THBS4: variants seen among roughly 807,000 people sequenced by gnomAD.
THBS4 encodes the protein thrombospondin 4.
In THBS4, 90 loss-of-function variants were observed where a neutral mutation model predicts 115.7. The observed-to-expected ratio is 0.78, with a 90% CI of 0.66 to 0.93. The LOEUF is 0.93. THBS4 is among the 40% of genes least tolerant of loss of function. THBS4 has a pLI of 0.00. For missense variants in THBS4, 1,087 were observed against 1,232.7 expected, an observed-to-expected ratio of 0.88 and a Z score of 1.77; for synonymous variants, 460 against 479.3, an observed-to-expected ratio of 0.96 and a Z score of 0.53.
intron 14 of THBS4, 113 bp from the exon 15 acceptor site, chr5:80,073,162 G>T (rs991077792): frequency 2.2e-5 from 25 of 1,123,794 alleles, no homozygotes; most frequent in Non-Finnish European, 3.3e-5. Flanking sequence ...CACCACCCCG[G>T]TTCCAGAGAA....
rs932897031 is a variant in THBS4, at chr5:80,045,235, A to T, written c.292+4955A>T. Among the ~76,000 whole-genome samples, 14 of 152,352 alleles carry T rather than the reference A, an allele frequency of 9.2e-5. No individual in the cohort carries two copies. In the South Asian group the frequency reaches 2.1e-3, roughly 23 times the overall value. ...CCTTGATGACAATTTCACCTTTCAG[A>T]AAAAGAAACACAAGAACTGCTTCTT... On this transcript the variant is annotated intron_variant, in intron 2 of 21. Coordinates refer to ENST00000350881, the MANE Select transcript of THBS4 (RefSeq NM_003248.6).
At chr5:80,022,513 C>G (rs747418862) in intron 2 of THBS4, among the ~76,000 whole-genome samples, 8 of 152,158 alleles carry the variant, frequency 5.3e-5, no homozygotes, top group Admixed American at 1.3e-4. Context: ...TACCATAATA[C>G]TGTAAAAAAG....
chr5:80,006,337 G>A (rs901327981), intron 2 of THBS4, among the ~76,000 whole-genome samples: 1 of 152,200 alleles, frequency 6.6e-6, no homozygotes, highest in African/African-American at 2.4e-5. Flanking sequence ...TCTCATGGTA[G>A]TGAATAAGTT....
intron 2 of THBS4, among the ~76,000 whole-genome samples, chr5:80,014,686 G>A (rs1036281826): frequency 6.6e-6 from 1 of 152,206 alleles, no homozygotes; most frequent in Admixed American, 6.5e-5. Context: ...TGAGGAATGT[G>A]AAGAAGAGAC....
chr5:80,030,189 CT>C (rs574204862), intron 2 of THBS4, among the ~76,000 whole-genome samples: 20 of 148,592 alleles, frequency 1.3e-4, no homozygotes, highest in African/African-American at 3.0e-4. Flanking sequence ...ATGTAAACAT[CT>C]TTTTTTTTTA....
intron 1 of THBS4, among the ~76,000 whole-genome samples, chr5:80,039,166 T>C (rs1385564207): frequency 6.6e-6 from 1 of 152,226 alleles, no homozygotes; most frequent in Non-Finnish European, 1.5e-5. Context: ...ACCAGATTAT[T>C]ATATCCAAGA....
intron 2 of THBS4, among the ~76,000 whole-genome samples, chr5:80,025,458 G>A (rs1326746547): frequency 2.6e-5 from 4 of 152,168 alleles, no homozygotes; most frequent in African/African-American, 9.7e-5. Context: ...AGGCACTGCA[G>A]CCCTCAGAGA....
chr5:80,030,101 A>G (rs1261551348), intron 2 of THBS4, among the ~76,000 whole-genome samples: 1 of 152,182 alleles, frequency 6.6e-6, no homozygotes, highest in African/African-American at 2.4e-5. Flanking sequence ...ACCTTCCTTT[A>G]TTATTAATAG....
chr5:80,083,064 C>CCA lies in THBS4; in HGVS notation c.2825-15_2825-14insAC. The CCA allele has an allele frequency of 1.2e-6, 2 of 1,612,536 alleles. No individual in the cohort carries two copies. Among genetic ancestry groups the CCA allele is most frequent in the Non-Finnish European group, 1.7e-6 (2 of 1,178,524 alleles). ...AAGGAGCCTCGCTAACCTCCCTGTGCCCATTCCTATTGCAGACACCATCCC... is the reference window on the plus strand; with the variant it reads ...AAGGAGCCTCGCTAACCTCCCTGTGCCACCATTCCTATTGCAGACACCATCCC... On this transcript the variant is annotated splice_polypyrimidine_tract_variant and intron_variant, in intron 21 of 21. Coordinates refer to ENST00000350881, the MANE Select transcript of THBS4 (RefSeq NM_003248.6).
intron 2 of THBS4, among the ~76,000 whole-genome samples, chr5:80,017,328 A>G (rs1013163221): frequency 6.6e-6 from 1 of 152,228 alleles, no homozygotes; most frequent in African/African-American, 2.4e-5. Flanking sequence ...CAATACCACA[A>G]TACAATCTAA....
chr5:80,018,249 T>C (rs570068239), intron 2 of THBS4, among the ~76,000 whole-genome samples: 2 of 152,190 alleles, frequency 1.3e-5, no homozygotes, highest in African/African-American at 4.8e-5. Context: ...CTCATTTCTC[T>C]GTACTATATT....
intron 3 of THBS4, among the ~76,000 whole-genome samples, chr5:80,056,273 A>G (rs780266588): frequency 1.1e-4 from 17 of 152,216 alleles, no homozygotes; most frequent in Non-Finnish European, 2.4e-4. Flanking sequence ...GCATATTTTT[A>G]AAATACCAAT....
chr5:80,058,623 A>T, intron 4 of THBS4, 85 bp from the exon 5 acceptor site: 1 of 1,188,358 alleles, frequency 8.4e-7, no homozygotes, highest in Middle Eastern at 1.9e-4. Flanking sequence ...TGTCAGGATG[A>T]TTTCCTGGGG....
chr5:80,057,418 C>A (rs1442358931), intron 3 of THBS4, among the ~76,000 whole-genome samples: 6 of 152,126 alleles, frequency 3.9e-5, no homozygotes, highest in African/African-American at 1.4e-4. Flanking sequence ...ATTAGTGCTA[C>A]CATGGTGGGC....
chr5:80,047,245 C>G (rs1199871841), intron 2 of THBS4, among the ~76,000 whole-genome samples: 2 of 152,206 alleles, frequency 1.3e-5, no homozygotes, highest in Non-Finnish European at 2.9e-5. Context: ...AAGAGTCCCA[C>G]TGTACTCTTA....
intron 2 of THBS4, among the ~76,000 whole-genome samples, chr5:80,002,636 C>A (rs1831925461): frequency 6.7e-6 from 1 of 149,388 alleles, no homozygotes; most frequent in Non-Finnish European, 1.5e-5. Flanking sequence ...GGAGAGAGAG[C>A]ATTTCATATT....
At chr5:80,015,056 T>G (rs1832220295) in intron 2 of THBS4, among the ~76,000 whole-genome samples, 1 of 152,260 alleles carries the variant, frequency 6.6e-6, no homozygotes, top group African/African-American at 2.4e-5. Flanking sequence ...ATGTCACCAT[T>G]CTGGTAAGAA....
Position 80,077,001 on chromosome 5 carries a change from C to A in THBS4, c.2039C>A (p.Pro680Gln). The A allele has an allele frequency of 6.2e-7, 1 of 1,612,654 alleles. No homozygotes were observed. The highest frequency in any genetic ancestry group is 8.5e-7 in the Non-Finnish European group (1 of 1,179,314). ...ATCCCAGACCTGGTGCCCCCTGGAC[C>A]AGACAACTGCCGGCTGGTCCCCAAC... Reference protein sequence around the residue: ...DGIPDLVPPGPDNCRLVPNPA... With the variant: ...DGIPDLVPPGQDNCRLVPNPA... The change falls in exon 16 of 22, where the codon CCA (proline) becomes CAA (glutamine). Residue 680 changes from proline to glutamine, a missense_variant. Coordinates refer to ENST00000350881, the MANE Select transcript of THBS4 (RefSeq NM_003248.6).
At chr5:80,025,818 A>G (rs1391428950) in intron 2 of THBS4, among the ~76,000 whole-genome samples, 1 of 152,044 alleles carries the variant, frequency 6.6e-6, no homozygotes, top group Non-Finnish European at 1.5e-5. Context: ...CTCACCCTGG[A>G]TTTCTGGGTA....
Sources: gnomAD v4.1 joint callset for allele counts (sites outside exome capture counted in the v4.1 genomes callset) on GRCh38, gnomAD v4.1.1 for gene constraint, MANE v1.5 for transcripts, NCBI Gene and HGNC (gene_info 2026-07-23, HGNC 2026-07-21) for gene names.